AGO2: variants seen among roughly 807,000 people sequenced by gnomAD.
AGO2 encodes protein argonaute-2.
A neutral mutation model predicts 102.3 loss-of-function variants in AGO2; 5 were observed. That is an observed-to-expected ratio of 0.05 (90% CI 0.03 to 0.10). The LOEUF (loss-of-function observed/expected upper bound fraction) is 0.10, where lower values mean the gene tolerates loss of function less well. Ranked by LOEUF, AGO2 falls within the 10% of genes least tolerant of loss-of-function variation. The probability of loss-of-function intolerance (pLI) is 1.00; values close to 1 mark genes in which losing one functional copy is unlikely to be tolerated. For missense variants in AGO2, 541 were observed against 1,183.7 expected (o/e 0.46, Z 7.97); for synonymous variants, 449 against 473.1 (o/e 0.95, Z 0.66).
At chr8:140,601,925 G>A (rs892182080) in intron 1 of AGO2, among the ~76,000 whole-genome samples, 1 of 152,092 alleles carries the variant, frequency 6.6e-6, no homozygotes, top group African/African-American at 2.4e-5. Flanking sequence ...CTCCTCCACG[G>A]TCTTTCCCCT....
intron 10 of AGO2, among the ~76,000 whole-genome samples, chr8:140,552,728 ACGCG>A (rs71504805): frequency 1.6e-5 from 2 of 124,074 alleles, no homozygotes; most frequent in South Asian, 2.5e-4. Flanking sequence ...ACGCACATGC[ACGCG>A]CGCGCGCGCA....
At position 140,547,472 on chromosome 8, in the gene AGO2, C is replaced by T; in HGVS notation, c.1744G>A (p.Gly582Ser). The change falls in exon 13 of 19, where the codon GGC becomes AGC. Residue 582 changes from glycine to serine, a missense_variant. By Grantham distance (56) the Gly-to-Ser change is moderately conservative. Around this residue, in one of 6 missense-constraint regions of AGO2, gnomAD observed 309 missense variants for 735.1 expected, o/e 0.42. Transcript: ENST00000220592. ...GGVNNILLPQ[G>S]RPPVFQQPVI... ...GGTAAAGGGGCCGGGCCTCACCTGC[C>T]CTGGGGCAGCAGGATGTTGTTCACG... is the stretch of plus-strand genomic sequence containing the variant. The T allele has an allele frequency of 6.2e-7, 1 of 1,613,800 alleles. No homozygotes were observed. The highest frequency in any genetic ancestry group is 8.5e-7 in the Non-Finnish European group (1 of 1,179,808).
At position 140,585,288 on chromosome 8, in the gene AGO2, G is replaced by A. The variant is rs766255224; in HGVS notation, c.46C>T (p.Pro16Ser). 3 of 1,613,880 alleles carry A rather than the reference G, an allele frequency of 1.9e-6. No homozygotes were observed. The highest frequency in any genetic ancestry group is 1.3e-5 in the African/African-American group (1 of 74,906). ...TTGAAGGCATATCCTTGGATGGGGGGCGGCGGCGCAGGAGGTGCAAGTGCT... is the reference window on the plus strand; with the variant it reads ...TTGAAGGCATATCCTTGGATGGGGGACGGCGGCGCAGGAGGTGCAAGTGCT... The part of the protein sequence containing the change: ...GPALAPPAPP[P>S]PIQGYAFKPP... Residue 16 changes from proline to serine, a missense_variant, in exon 2 of 19, where the codon CCC becomes TCC. Coordinates refer to ENST00000220592, the MANE Select transcript of AGO2 (RefSeq NM_012154.5).
At chr8:140,566,621 G>GT (rs1340100504) in intron 3 of AGO2, among the ~76,000 whole-genome samples, 3 of 148,178 alleles carry the variant, frequency 2.0e-5, no homozygotes, top group Non-Finnish European at 3.0e-5. Flanking sequence ...TTTTTTTTGG[G>GT]GGGGGGGAAG....
chr8:140,555,112 G>T (rs2073073094), intron 10 of AGO2, among the ~76,000 whole-genome samples: 1 of 152,218 alleles, frequency 6.6e-6, no homozygotes, highest in Admixed American at 6.5e-5. Context: ...AGGTTAGGCA[G>T]ACTCTTACAC....
Position 140,531,832 on chromosome 8 carries a change from C to G in AGO2, c.*212G>C. ...TATAGATTTTAGCAAACCATATTTC[C>G]TATGACATTGGGTTCTCATACAGGT... On this transcript the variant is annotated 3_prime_UTR_variant, in exon 19 of 19. Transcript: ENST00000220592. The G allele has an allele frequency of 2.0e-6, 1 of 505,202 alleles. No individual in the cohort carries two copies. Among genetic ancestry groups the G allele is most frequent in the Non-Finnish European group, 3.6e-6 (1 of 280,360 alleles). The allele number at this position is 505,202 out of a possible 1,614,324, so 31.3% of individuals were successfully genotyped here. A position where few individuals can be genotyped will look rare whatever the true frequency, so the allele number is the denominator to read the frequency against.
chr8:140,550,275 G>A (rs560343614), intron 11 of AGO2, among the ~76,000 whole-genome samples: 3 of 152,332 alleles, frequency 2.0e-5, no homozygotes, highest in East Asian at 1.9e-4. Flanking sequence ...TTAAGGGACC[G>A]GCTACACCTC....
At chr8:140,578,385 AC>A (rs1328317486) in intron 2 of AGO2, among the ~76,000 whole-genome samples, 8 of 152,122 alleles carry the variant, frequency 5.3e-5, no homozygotes, top group African/African-American at 1.9e-4. Context: ...GACCATCACC[AC>A]CCTCTGTCCA....
chr8:140,588,826 AGCGAGTTCGGAGG>A (rs963133277), intron 1 of AGO2, among the ~76,000 whole-genome samples: 2 of 152,182 alleles, frequency 1.3e-5, no homozygotes, highest in Admixed American at 6.5e-5. Flanking sequence ...TTCCTTAGAG[AGCGAGTTCGGAGG>A]GCAAGGCCCG....
chr8:140,572,902 A>T lies in AGO2; in HGVS notation c.246T>A (p.Phe82Leu). 4 of 1,614,090 alleles carry T rather than the reference A, an allele frequency of 2.5e-6. No homozygotes were observed. The highest frequency in any genetic ancestry group is 3.4e-6 in the Non-Finnish European group (4 of 1,180,000). Residue 82 changes from phenylalanine to leucine, a missense_variant, in exon 3 of 19, where the codon TTT becomes TTA. Physicochemically the swap from Phe to Leu is conservative, Grantham distance 22. Coordinates refer to ENST00000220592, the MANE Select transcript of AGO2 (RefSeq NM_012154.5). ...TCCGATCCCCAAAGATCTGTGTTTT[A>T]AAGTGCTGGACCATGTGTTCCACGA... Reference protein sequence around the residue: ...REIVEHMVQHFKTQIFGDRKP... With the variant: ...REIVEHMVQHLKTQIFGDRKP...
chr8:140,548,421 C>T (rs907893148), intron 12 of AGO2, among the ~76,000 whole-genome samples: 1 of 152,010 alleles, frequency 6.6e-6, no homozygotes, highest in Non-Finnish European at 1.5e-5. Flanking sequence ...ACACTGGCAC[C>T]CTCCAAATCC....
intron 1 of AGO2, among the ~76,000 whole-genome samples, chr8:140,597,444 G>A (rs60637156): frequency 0.064 from 9,258 of 144,410 alleles, 852 homozygotes; most frequent in African/African-American, 0.19. Context: ...CAGCAGCCAC[G>A]GACACCGATG....
At chr8:140,600,406 C>T (rs551501098) in intron 1 of AGO2, among the ~76,000 whole-genome samples, 10 of 152,296 alleles carry the variant, frequency 6.6e-5, no homozygotes, top group East Asian at 1.9e-4. Flanking sequence ...ACAGGCCGGG[C>T]GCGGTGGCTC....
rs2072782983 is a variant in AGO2, at chr8:140,540,785, T to C, written c.2034+379A>G. Among the ~76,000 whole-genome samples, 2 of 152,102 alleles carry C rather than the reference T, an allele frequency of 1.3e-5. No individual in the cohort carries two copies. Among genetic ancestry groups the C allele is most frequent in the Non-Finnish European group, 2.9e-5 (2 of 68,016 alleles). On this transcript the variant is annotated intron_variant, in intron 15 of 18. Transcript: ENST00000220592. This position sits in a 1 kb window ranked among gnomAD's most constrained non-coding sequence, Gnocchi z 5.0. ...TGCAGACAGGCGTCCCCAGACGCAA[T>C]GAGCTCCCCGCCTCGCAGGGACACC... is the stretch of plus-strand genomic sequence containing the variant.
At chr8:140,545,494 A>C (rs1032076382) in intron 13 of AGO2, among the ~76,000 whole-genome samples, 5 of 151,628 alleles carry the variant, frequency 3.3e-5, no homozygotes, top group Non-Finnish European at 7.4e-5. Context: ...TTGGAATACC[A>C]CCTGTCTGCT....
rs1175757224 is a variant in AGO2 at position 140,520,346 on chromosome 8, T to C, written c.*11698A>G. 1 of 152,230 alleles carries C rather than the reference T, an allele frequency of 6.6e-6. No homozygotes were observed. Among genetic ancestry groups the C allele is most frequent in the Non-Finnish European group, 1.5e-5 (1 of 68,044 alleles). The allele number at this position is 152,230 out of a possible 1,614,324, so 9.4% of individuals were successfully genotyped here. On this transcript the variant is annotated 3_prime_UTR_variant, in exon 19 of 19. Coordinates refer to ENST00000220592, the MANE Select transcript of AGO2 (RefSeq NM_012154.5). ...ATGCCAAACTTTTAGTATTAGTTTA[T>C]ATACACACAGTAAGAAACAAAACAA... is the stretch of plus-strand genomic sequence containing the variant.
At chr8:140,562,233 A>G (rs577360781) in intron 4 of AGO2, among the ~76,000 whole-genome samples, 2 of 152,376 alleles carry the variant, frequency 1.3e-5, no homozygotes, top group East Asian at 3.9e-4. Flanking sequence ...TAGGGAGGCC[A>G]ACGTTCCGGG....
rs2072518612 is a variant in AGO2 at position 140,527,034 on chromosome 8, C to T, written c.*5010G>A. 6.6e-6 allele frequency: 1 copy of T among 152,022 alleles called. No homozygotes were observed. 9.4% of individuals were successfully genotyped at this position (152,022 alleles called of 1,614,324 possible). A position where few individuals can be genotyped will look rare whatever the true frequency, so the allele number is the denominator to read the frequency against. ...TAGTAGCAGGCGGAGCAGATGCCTC[C>T]CGTCTGGACTGTCCCAGGCTGGGTG... On this transcript the variant is annotated 3_prime_UTR_variant, in exon 19 of 19. Coordinates refer to ENST00000220592, the MANE Select transcript of AGO2 (RefSeq NM_012154.5). The surrounding 1 kb of genome is among the most constrained non-coding windows in gnomAD (Gnocchi z 6.0).
chr8:140,573,918 C>T (rs7824304), intron 2 of AGO2, among the ~76,000 whole-genome samples: 43,557 of 152,104 alleles, frequency 0.29, 6,462 homozygotes, highest in Non-Finnish European at 0.32. Context: ...GAATGAGTCC[C>T]GGGTGCTGCT....
Sources: allele counts gnomAD v4.1 joint callset (sites outside exome capture counted in the v4.1 genomes callset), GRCh38; gene constraint gnomAD v4.1.1; regional missense constraint gnomAD v4.1.1; non-coding constraint Gnocchi (gnomAD v3.1); transcripts MANE v1.5; gene names NCBI Gene and HGNC (gene_info 2026-07-23, HGNC 2026-07-21).